The following CCDC102A variants were observed in gnomAD, a reference collection of about 807,000 sequenced individuals.
The protein encoded by CCDC102A is coiled-coil domain-containing protein 102A.
A neutral mutation model predicts 55.5 loss-of-function variants in CCDC102A; 40 were observed. The observed-to-expected ratio is 0.72, with a 90% confidence interval of 0.56 to 0.94. The LOEUF (loss-of-function observed/expected upper bound fraction) is 0.94. CCDC102A is among the 40% of genes least tolerant of loss of function. The pLI is 0.00. For synonymous variants in CCDC102A, 323 were observed against 339.0 expected (o/e 0.95, Z 0.52); for missense variants, 779 against 768.6 (o/e 1.01, Z -0.16).
At chr16:57,527,941 C>T (rs2032169734) in intron 2 of CCDC102A, among the ~76,000 whole-genome samples, 1 of 152,168 alleles carries the variant, frequency 6.6e-6, no homozygotes, top group African/African-American at 2.4e-5. Flanking sequence ...GGAATGCCTT[C>T]GGGCACTTTT....
At chr16:57,515,471 A>G (rs766374314) in intron 7 of CCDC102A, 27 bp from the exon 8 acceptor site, 20 of 1,497,636 alleles carry the variant, frequency 1.3e-5, no homozygotes, top group Non-Finnish European at 1.7e-5. Flanking sequence ...GGCCGAAAGC[A>G]CGAGGGTCAC....
chr16:57,528,986 C>A lies in CCDC102A; in HGVS notation c.192G>T (p.Leu64=). ...ALPLPPAPAL[L]ADGDWESREE... ...CGCGGCTCTCCCAGTCGCCGTCGGC[C>A]AGCAGCGCGGGCGCGGGGGGCAGGG... Residue 64 remains leucine (L), a synonymous_variant, in exon 2 of 9, where the codon CTG becomes CTT. Coordinates refer to ENST00000258214, the MANE Select transcript of CCDC102A (RefSeq NM_033212.4). 8.3e-7 allele frequency: 1 copy of A among 1,209,192 alleles called. No homozygotes were observed. Among genetic ancestry groups the A allele is most frequent in the Non-Finnish European group, 1.0e-6 (1 of 965,284 alleles). The allele number at this position is 1,209,192 out of a possible 1,614,324, so 74.9% of individuals were successfully genotyped here. A position where few individuals can be genotyped will look rare whatever the true frequency, so the allele number is the denominator to read the frequency against.
At position 57,516,513 on chromosome 16, in the gene CCDC102A, T is replaced by C. The variant is rs2031958882; in HGVS notation, c.1249-50A>G. ...GAGGGAGGAGGGAATCAGTATCAGC[T>C]TGGGCGCCATGCCAGGGAGTCCCAC... On this transcript the variant is annotated intron_variant, in intron 6 of 8. Transcript: ENST00000258214. The surrounding 1 kb of genome is among the most constrained non-coding windows in gnomAD (Gnocchi z 4.4). The C allele has an allele frequency of 2.6e-6, 4 of 1,544,976 alleles. No individual in the cohort carries two copies. In the East Asian group the frequency reaches 6.8e-5, roughly 26 times the overall value.
intron 3 of CCDC102A, among the ~76,000 whole-genome samples, chr16:57,521,436 C>T (rs2032050107): frequency 1.3e-5 from 2 of 152,168 alleles, no homozygotes; most frequent in African/African-American, 4.8e-5. Context: ...ACTGAGCATC[C>T]CCGGGCAAGT....
At position 57,528,750 on chromosome 16, in the gene CCDC102A, C is replaced by G; in HGVS notation, c.428G>C (p.Arg143Pro). 2 of 1,173,798 alleles carry G rather than the reference C, an allele frequency of 1.7e-6. No individual in the cohort carries two copies. The highest frequency in any genetic ancestry group is 2.1e-6 in the Non-Finnish European group (2 of 943,004). The allele number at this position is 1,173,798 out of a possible 1,614,324, so 72.7% of individuals were successfully genotyped here. A position where few individuals can be genotyped will look rare whatever the true frequency, so the allele number is the denominator to read the frequency against. ...TKELAGARRE[R>P]QEAQGECEAR... ...CTCGCACTCGCCCTGCGCCTCTTGGCGCTCGCGCCGTGCGCCCGCCAGCTC... is the reference window on the plus strand; with the variant it reads ...CTCGCACTCGCCCTGCGCCTCTTGGGGCTCGCGCCGTGCGCCCGCCAGCTC... Residue 143 changes from arginine to proline, a missense_variant, in exon 2 of 9, where the codon CGC becomes CCC. Physicochemically the swap from Arg to Pro is moderately radical, Grantham distance 103. Coordinates refer to ENST00000258214, the MANE Select transcript of CCDC102A (RefSeq NM_033212.4).
At position 57,528,883 on chromosome 16, in the gene CCDC102A, C is replaced by T; in HGVS notation, c.295G>A (p.Asp99Asn). 1 of 1,391,128 alleles carries T rather than the reference C, an allele frequency of 7.2e-7. No individual in the cohort carries two copies. The allele number at this position is 1,391,128 out of a possible 1,614,324, so 86.2% of individuals were successfully genotyped here. Reference protein sequence around the residue: ...QMEKTMRRWSDCTANWREKWS... With the variant: ...QMEKTMRRWSNCTANWREKWS... ...TTCTCGCGCCAATTGGCAGTGCAGT[C>T]CGACCACCGGCGCATGGTCTTCTCC... Residue 99 changes from aspartate to asparagine, a missense_variant, in exon 2 of 9, where the codon GAC becomes AAC. Physicochemically the swap from Asp to Asn is conservative, Grantham distance 23 (BLOSUM62 1). Transcript: ENST00000258214.
chr16:57,527,893 G>A lies in CCDC102A; in HGVS notation c.585+700C>T, dbSNP rs533609413. On this transcript the variant is annotated intron_variant, in intron 2 of 8. Coordinates refer to ENST00000258214, the MANE Select transcript of CCDC102A (RefSeq NM_033212.4). Reference sequence around the variant, plus strand: ...TTTTCCAAACTCACCAGGCCCTCTCGGCCTCTAGACTTTTTGCACAGGCAG... The same window carrying A: ...TTTTCCAAACTCACCAGGCCCTCTCAGCCTCTAGACTTTTTGCACAGGCAG... 7.2e-5 allele frequency among the ~76,000 whole-genome samples: 11 copies of A among 152,324 alleles called. No individual in the cohort carries two copies. The East Asian group carries it at 1.7e-3, about 24-fold the overall frequency.
At chr16:57,518,562 T>A in intron 5 of CCDC102A, 63 bp downstream of exon 5, 1 of 1,301,066 alleles carries the variant, frequency 7.7e-7, no homozygotes. Context: ...AGTGACCTGC[T>A]GATGGAGCAG....
In CCDC102A at chr16:57,526,022, G is replaced by T. The variant is rs764855096; in HGVS notation, c.691C>A (p.Arg231Ser). ...GAGGPRGSSG[R>S]QERSRLPWED... Reference sequence around the variant, plus strand: ...CAGGGTAGCCGGCTGCGCTCCTGGCGGCCTGAGCTGCCCCGCGGGCCCCCA... The same window carrying T: ...CAGGGTAGCCGGCTGCGCTCCTGGCTGCCTGAGCTGCCCCGCGGGCCCCCA... Residue 231 changes from arginine to serine, a missense_variant, in exon 3 of 9, where the codon CGC (arginine) becomes AGC (serine). By Grantham distance (110) the Arg-to-Ser change is moderately radical. Coordinates refer to ENST00000258214, the MANE Select transcript of CCDC102A (RefSeq NM_033212.4). 1.2e-6 allele frequency: 2 copies of T among 1,602,790 alleles called. No individual in the cohort carries two copies. Among genetic ancestry groups the T allele is most frequent in the East Asian group, 2.2e-5 (1 of 44,590 alleles).
intron 8 of CCDC102A, among the ~76,000 whole-genome samples, chr16:57,514,252 C>T (rs905762400): frequency 3.3e-5 from 5 of 152,128 alleles, no homozygotes; most frequent in Middle Eastern, 6.8e-3. Flanking sequence ...GCTGGAGTAC[C>T]GTGGTGTGAT....
Position 57,529,133 on chromosome 16 carries a change from C to T in CCDC102A, c.45G>A (p.Leu15=), listed in dbSNP as rs2146713851. The part of the protein sequence containing the change: ...PSPRLAESPQ[L]SKGSLLTILG... ...GGATGGTCAGGAGGCTGCCCTTGGA[C>T]AGCTGCGGGGACTCGGCCAGCCGGG... The change falls in exon 2 of 9, where the codon CTG becomes CTA. Residue 15 remains leucine (L), a synonymous_variant. Coordinates refer to ENST00000258214, the MANE Select transcript of CCDC102A (RefSeq NM_033212.4). This position sits in a 1 kb window ranked among gnomAD's most constrained non-coding sequence, Gnocchi z 4.1. 1.7e-6 allele frequency: 2 copies of T among 1,185,674 alleles called. No homozygotes were observed. The highest frequency in any genetic ancestry group is 7.3e-5 in the East Asian group (2 of 27,400). The allele number at this position is 1,185,674 out of a possible 1,614,324, so 73.4% of individuals were successfully genotyped here.
intron 6 of CCDC102A, 121 bp downstream of exon 6, chr16:57,517,947 G>T: frequency 8.8e-7 from 1 of 1,137,530 alleles, no homozygotes; most frequent in Non-Finnish European, 1.2e-6. Context: ...TAGCACACAA[G>T]GTGCTGAATA....
At chr16:57,536,316 G>A (rs1429760576) in intron 1 of CCDC102A, among the ~76,000 whole-genome samples, 184 bp downstream of exon 1, 2 of 152,240 alleles carry the variant, frequency 1.3e-5, no homozygotes, top group East Asian at 1.9e-4. Context: ...GGCTGAGGGA[G>A]GCCGGGGAGG....
In CCDC102A at chr16:57,518,634, C is replaced by T. The variant is rs148280040; in HGVS notation, c.1029G>A (p.Leu343=). The change falls in exon 5 of 9, where the codon CTG becomes CTA. Residue 343 remains leucine (L), a synonymous_variant. Coordinates refer to ENST00000258214, the MANE Select transcript of CCDC102A (RefSeq NM_033212.4). Reference sequence around the variant, plus strand: ...CCATCCATGGCCTCACCTCGCCCCTCAGCTCGGCCATTTTCCGGTCCATGC... The same window carrying T: ...CCATCCATGGCCTCACCTCGCCCCTTAGCTCGGCCATTTTCCGGTCCATGC... The part of the protein sequence containing the change: ...RSSMDRKMAE[L]RGEMERLQAE... 276 of 1,613,302 alleles carry T rather than the reference C, an allele frequency of 1.7e-4. No homozygotes were observed. The highest frequency in any genetic ancestry group is 8.3e-4 in the Middle Eastern group (5 of 6,056).
At chr16:57,533,978 C>T (rs971985951) in intron 1 of CCDC102A, among the ~76,000 whole-genome samples, 5 of 152,208 alleles carry the variant, frequency 3.3e-5, no homozygotes, top group Non-Finnish European at 7.3e-5. Context: ...CCACCACAGG[C>T]CCCGGGGAGC....
rs759249270 is a variant in CCDC102A, at chr16:57,528,666, C to G, written c.512G>C (p.Arg171Pro). The G allele has an allele frequency of 1.7e-6, 2 of 1,145,586 alleles. No individual in the cohort carries two copies. The highest frequency in any genetic ancestry group is 1.0e-4 in the East Asian group (2 of 20,084). The allele number at this position is 1,145,586 out of a possible 1,614,324, so 71.0% of individuals were successfully genotyped here. ...CTCCGCTTCCGGCTCGGGGCCGTCG[C>G]GCGTCTGGTCGGCGACCCCCCGGGC... Reference protein sequence around the residue: ...RGARGVADQTRDGPEPEAERE... With the variant: ...RGARGVADQTPDGPEPEAERE... Residue 171 changes from arginine (R) to proline (P), a missense_variant, in exon 2 of 9, where the codon CGC (arginine) becomes CCC (proline). Coordinates refer to ENST00000258214, the MANE Select transcript of CCDC102A (RefSeq NM_033212.4).
chr16:57,519,958 C>T (rs866398595), intron 4 of CCDC102A, among the ~76,000 whole-genome samples: 1 of 152,354 alleles, frequency 6.6e-6, no homozygotes, highest in Middle Eastern at 3.4e-3. Context: ...GCCATTGAGG[C>T]CTGCACAGGA....
chr16:57,515,993 T>C (rs2031947901), intron 7 of CCDC102A, among the ~76,000 whole-genome samples: 1 of 152,018 alleles, frequency 6.6e-6, no homozygotes, highest in Non-Finnish European at 1.5e-5. Context: ...GATCCACCCA[T>C]CCATCTGCCC....
Position 57,526,114 on chromosome 16 carries a change from AC to A in CCDC102A, c.598del (p.Val200TrpfsTer5). On this transcript the variant is annotated frameshift_variant, in exon 3 of 9. Coordinates refer to ENST00000258214, the MANE Select transcript of CCDC102A (RefSeq NM_033212.4). LOFTEE classifies it high-confidence loss of function. ...TGGCATGCTCTTCAGCAGGCTCTCCACCAGCTCCAGTTCCTGCGGGGACCAA... is the reference window on the plus strand; with the variant it reads ...TGGCATGCTCTTCAGCAGGCTCTCCACAGCTCCAGTTCCTGCGGGGACCAA... Reference protein sequence around the residue: ...RPPGSQELELVESLLKSMPEE... With the variant: ...RPPGSQELELXESLLKSMPEE... The A allele has an allele frequency of 6.5e-7, 1 of 1,550,062 alleles. No individual in the cohort carries two copies. Among genetic ancestry groups the A allele is most frequent in the Non-Finnish European group, 8.7e-7 (1 of 1,155,744 alleles).
Sources: allele counts gnomAD v4.1 joint callset (sites outside exome capture counted in the v4.1 genomes callset), GRCh38; gene constraint gnomAD v4.1.1; non-coding constraint Gnocchi (gnomAD v3.1); transcripts MANE v1.5; gene names NCBI Gene and HGNC (gene_info 2026-07-23, HGNC 2026-07-21).